The following ORAI2 variants were observed in gnomAD, a reference collection of about 807,000 sequenced individuals.
ORAI2 encodes ORAI calcium release-activated calcium modulator 2, also known as protein orai-2.
A neutral mutation model predicts 16.2 loss-of-function variants in ORAI2; 10 were observed. That is an observed-to-expected ratio of 0.62 (90% confidence interval 0.38 to 1.04). ORAI2 has a LOEUF of 1.04. Ranked by LOEUF, ORAI2 falls within the 50% of genes least tolerant of loss-of-function variation. The pLI is 0.01. For synonymous variants in ORAI2, 150 were observed against 157.5 expected (o/e 0.95, Z 0.35); for missense variants, 238 against 355.5 (o/e 0.67, Z 2.66).
In ORAI2 at chr7:102,455,277, A is replaced by T. The variant is rs1281999096; in HGVS notation, c.*8225A>T. ...GGCTATGGGGCCGTGTACGGGGGCC[A>T]GGCTGTGGCAGAAGCATCCTGGCGT... On this transcript the variant is annotated 3_prime_UTR_variant, in exon 4 of 4. Transcript: ENST00000495936. The T allele has an allele frequency of 6.6e-6, 1 of 152,270 alleles. No homozygotes were observed. Among genetic ancestry groups the T allele is most frequent in the Admixed American group, 6.5e-5 (1 of 15,278 alleles). 9.4% of individuals were successfully genotyped at this position (152,270 alleles called of 1,614,324 possible).
In ORAI2 at chr7:102,447,105, C is replaced by T. The variant is rs575888478; in HGVS notation, c.*53C>T. 7.1e-5 allele frequency: 104 copies of T among 1,454,730 alleles called. 1 individual carries two copies. The East Asian group carries it at 1.8e-3, about 25-fold the overall frequency. 90.1% of individuals were successfully genotyped at this position (1,454,730 alleles called of 1,614,324 possible). A position where few individuals can be genotyped will look rare whatever the true frequency, so the allele number is the denominator to read the frequency against. ...CCCTGTGCCCGGGAGTCCGCAGAGGCGGGGATTTGTCAGATGCAGACATTT... is the reference window on the plus strand; with the variant it reads ...CCCTGTGCCCGGGAGTCCGCAGAGGTGGGGATTTGTCAGATGCAGACATTT... On this transcript the variant is annotated 3_prime_UTR_variant, in exon 4 of 4. Transcript: ENST00000495936.
At chr7:102,442,215 A>C (rs1428200927) in intron 3 of ORAI2, among the ~76,000 whole-genome samples, 1 of 152,038 alleles carries the variant, frequency 6.6e-6, no homozygotes, top group Non-Finnish European at 1.5e-5. Flanking sequence ...CAGGAGTTCC[A>C]GATCAGCCTG....
At position 102,443,092 on chromosome 7, in the gene ORAI2, C is replaced by CTTT. The variant is rs1241778898; in HGVS notation, c.226-3419_226-3418insTTT. On this transcript the variant is annotated intron_variant, in intron 3 of 3. Coordinates refer to ENST00000495936, the MANE Select transcript of ORAI2 (RefSeq NM_001126340.3). ...ACAGTGAAAAATTGCCTTCTCTTTT[C>CTTT]TTCTTCTTCTTCTTCTTCTTCTTCT... is the stretch of plus-strand genomic sequence containing the variant. Among the ~76,000 whole-genome samples the CTTT allele has an allele frequency of 7.5e-3, 112 of 14,880 alleles. 2 individuals are homozygous for CTTT. Among genetic ancestry groups the CTTT allele is most frequent in the South Asian group, 0.052 (29 of 558 alleles). The allele number at this position is 14,880 out of a possible 152,430, so 9.8% of individuals were successfully genotyped here. A position where few individuals can be genotyped will look rare whatever the true frequency, so the allele number is the denominator to read the frequency against.
rs1420896721 is a variant in ORAI2, at chr7:102,450,821, G to A, written c.*3769G>A. 6.6e-6 allele frequency: 1 copy of A among 152,264 alleles called. No individual in the cohort carries two copies. Among genetic ancestry groups the A allele is most frequent in the Non-Finnish European group, 1.5e-5 (1 of 68,090 alleles). The allele number at this position is 152,264 out of a possible 1,614,324, so 9.4% of individuals were successfully genotyped here. A position where few individuals can be genotyped will look rare whatever the true frequency, so the allele number is the denominator to read the frequency against. ...GTTGGAGCTGCAGAAACGCCTTGAA[G>A]GGCAGCATGGGCGATGAGGAATGCC... On this transcript the variant is annotated 3_prime_UTR_variant, in exon 4 of 4. Transcript: ENST00000495936.
Position 102,439,514 on chromosome 7 carries a change from C to T in ORAI2, c.225+333C>T, listed in dbSNP as rs2133224289. ...GTGACTCACACCTGTAATCCCAGCA[C>T]TTTGGGAGGCCAAGGTGGGAGGATA... On this transcript the variant is annotated intron_variant, in intron 3 of 3. Coordinates refer to ENST00000495936, the MANE Select transcript of ORAI2 (RefSeq NM_001126340.3). Among the ~76,000 whole-genome samples, 3 of 152,258 alleles carry T rather than the reference C, an allele frequency of 2.0e-5. No homozygotes were observed. In the South Asian group the frequency reaches 6.2e-4, roughly 32 times the overall value.
In ORAI2 at chr7:102,448,039, G is replaced by A. The variant is rs559698091; in HGVS notation, c.*987G>A. 1 of 152,498 alleles carries A rather than the reference G, an allele frequency of 6.6e-6. No homozygotes were observed. The highest frequency in any genetic ancestry group is 2.4e-5 in the African/African-American group (1 of 41,600). 9.4% of individuals were successfully genotyped at this position (152,498 alleles called of 1,614,324 possible). ...CAGCTTGCCCATGGCCCTAGGCAGC[G>A]AGGGGACAGCCTGGGGGACTTCCTG... On this transcript the variant is annotated 3_prime_UTR_variant, in exon 4 of 4. Transcript: ENST00000495936.
At chr7:102,437,640 A>G (rs1394998780) in intron 2 of ORAI2, among the ~76,000 whole-genome samples, 1 of 152,226 alleles carries the variant, frequency 6.6e-6, no homozygotes, top group Admixed American at 6.5e-5. Context: ...TTAGAAAATA[A>G]TAAAATGTAA....
rs1313501816 is a variant in ORAI2 at position 102,438,952 on chromosome 7, C to T, written c.-5C>T. On this transcript the variant is annotated 5_prime_UTR_variant, in exon 3 of 4. Transcript: ENST00000495936. Reference sequence around the variant, plus strand: ...CTCTCTCCCACCCTTAGCCTGGCTCCCACCATGAGTGCTGAGCTTAACGTG... The same window carrying T: ...CTCTCTCCCACCCTTAGCCTGGCTCTCACCATGAGTGCTGAGCTTAACGTG... 6.2e-7 allele frequency: 1 copy of T among 1,613,724 alleles called. No individual in the cohort carries two copies. Among genetic ancestry groups the T allele is most frequent in the Non-Finnish European group, 8.5e-7 (1 of 1,179,962 alleles).
chr7:102,446,437 T>G (rs910616410), intron 3 of ORAI2, 76 bp from the exon 4 acceptor site: 4 of 1,459,296 alleles, frequency 2.7e-6, no homozygotes, highest in Non-Finnish European at 3.7e-6. Context: ...GCCCCTGCTC[T>G]GCCTGGCAGG....
intron 3 of ORAI2, among the ~76,000 whole-genome samples, chr7:102,445,234 C>G (rs764606681): frequency 1.1e-5 from 1 of 91,492 alleles, no homozygotes; most frequent in Non-Finnish European, 2.0e-5. Context: ...GTGTGCAGCT[C>G]TGAGTCTGGG....
intron 3 of ORAI2, among the ~76,000 whole-genome samples, chr7:102,440,125 C>T (rs1466072801): frequency 2.0e-5 from 3 of 152,210 alleles, no homozygotes; most frequent in East Asian, 1.9e-4. Context: ...CAAATCAAAT[C>T]GCTGCATGGT....
At position 102,439,016 on chromosome 7, in the gene ORAI2, C is replaced by T. The variant is rs34536451; in HGVS notation, c.60C>T (p.Gly20=). 1,090 of 1,614,034 alleles carry T rather than the reference C, an allele frequency of 6.8e-4. 10 individuals are homozygous for T. In the African/African-American group the frequency reaches 0.013, roughly 20 times the overall value. The change falls in exon 3 of 4, where the codon GGC becomes GGT. Residue 20 remains glycine (G), a synonymous_variant. Coordinates refer to ENST00000495936, the MANE Select transcript of ORAI2 (RefSeq NM_001126340.3). The stretch of plus-strand genomic sequence containing the variant: ...CTGCTCCTGCCTGCCCTGAGCCCGG[C>T]CATAAGGGCATGGATTACCGGGACT... The part of the protein sequence containing the change: ...DPSAPACPEP[G]HKGMDYRDWV...
In ORAI2 at chr7:102,438,996, C is replaced by T; in HGVS notation, c.40C>T (p.Pro14Ser). 1 of 1,614,024 alleles carries T rather than the reference C, an allele frequency of 6.2e-7. No individual in the cohort carries two copies. Among genetic ancestry groups the T allele is most frequent in the Non-Finnish European group, 8.5e-7 (1 of 1,180,038 alleles). ...ELNVPIDPSA[P>S]ACPEPGHKGM... The stretch of plus-strand genomic sequence containing the variant: ...TAACGTGCCTATCGACCCCTCTGCT[C>T]CTGCCTGCCCTGAGCCCGGCCATAA... The change falls in exon 3 of 4, where the codon CCT becomes TCT. Residue 14 changes from proline to serine, a missense_variant. Around this residue, in one of 3 missense-constraint regions of ORAI2, gnomAD observed 61 missense variants for 72.7 expected, o/e 0.84. Transcript: ENST00000495936.
intron 3 of ORAI2, among the ~76,000 whole-genome samples, chr7:102,443,908 T>C (rs1327072767): frequency 6.6e-6 from 1 of 151,994 alleles, no homozygotes. Context: ...GGTTTTACCA[T>C]GTTGGTCAGG....
chr7:102,443,537 C>T (rs186868447), intron 3 of ORAI2, among the ~76,000 whole-genome samples: 3 of 152,034 alleles, frequency 2.0e-5, no homozygotes, highest in African/African-American at 7.2e-5. Flanking sequence ...TAATATTTGT[C>T]ACTTGGGCCA....
chr7:102,437,848 C>G lies in ORAI2; in HGVS notation c.-13-1096C>G, dbSNP rs368434150. 2.0e-5 allele frequency among the ~76,000 whole-genome samples: 3 copies of G among 151,942 alleles called. No homozygotes were observed. In the East Asian group the frequency reaches 5.8e-4, roughly 29 times the overall value. ...GGAGGATCACTTGAGGCTAGGAGTT[C>G]AAGACCAGCCTGGGCAATATAGTGA... On this transcript the variant is annotated intron_variant, in intron 2 of 3. Transcript: ENST00000495936.
chr7:102,437,617 A>T (rs1323018900), intron 2 of ORAI2, among the ~76,000 whole-genome samples: 1 of 152,186 alleles, frequency 6.6e-6, no homozygotes, highest in Admixed American at 6.5e-5. Flanking sequence ...TCTGTCTCAA[A>T]AAATAAATAA....
At chr7:102,439,738 T>C (rs1172134330) in intron 3 of ORAI2, among the ~76,000 whole-genome samples, 1 of 152,070 alleles carries the variant, frequency 6.6e-6, no homozygotes, top group Non-Finnish European at 1.5e-5. Flanking sequence ...CACTCCAGCC[T>C]GGACGTCAGA....
chr7:102,442,781 G>A (rs536767842), intron 3 of ORAI2, among the ~76,000 whole-genome samples: 17 of 152,100 alleles, frequency 1.1e-4, no homozygotes, highest in Non-Finnish European at 1.8e-4. Context: ...ACTTGAATCC[G>A]GAAAGGGGAA....
Sources: gnomAD v4.1 joint callset for allele counts (sites outside exome capture counted in the v4.1 genomes callset) on GRCh38, gnomAD v4.1.1 for gene constraint, gnomAD v4.1.1 regional missense constraint, MANE v1.5 for transcripts, NCBI Gene and HGNC (gene_info 2026-07-23, HGNC 2026-07-21) for gene names.